The following TTN variants were observed in gnomAD, a reference collection of about 807,000 sequenced individuals.
TTN encodes titin.
In TTN, 1,525 loss-of-function variants were observed where a neutral mutation model predicts 3,223.0. That is an observed-to-expected ratio of 0.47 (90% CI 0.45 to 0.49). The LOEUF is 0.49. TTN is among the 20% of genes least tolerant of loss of function. TTN has a pLI of 0.00. For synonymous variants in TTN, 14,094 were observed against 15,161.0 expected, an observed-to-expected ratio of 0.93 and a Z score of 5.17; for missense variants, 40,786 against 43,424.0, an observed-to-expected ratio of 0.94 and a Z score of 5.40.
At position 178,618,029 on chromosome 2, in the gene TTN, A is replaced by G. The variant is rs1576511180; in HGVS notation, c.47322T>C (p.Gly15774=). The G allele has an allele frequency of 1.9e-6, 3 of 1,612,488 alleles. No individual in the cohort carries two copies. Among genetic ancestry groups the G allele is most frequent in the African/African-American group, 2.7e-5 (2 of 74,944 alleles). The change falls in exon 253 of 363, where the codon GGT becomes GGC. Residue 15774 remains glycine (G), a synonymous_variant. Coordinates refer to ENST00000589042, the MANE Select transcript of TTN (RefSeq NM_001267550.2). ...NVTITDVNRF[G]VSLTWEPPEY... The stretch of plus-strand genomic sequence containing the variant: ...CTGGTGGTTCCCATGTCAGTGAGAC[A>G]CCAAATCGATTCACATCAGTGATGG...
rs142352268 is a variant in TTN at position 178,616,138 on chromosome 2, G to T, written c.48312+341C>A. On this transcript the variant is annotated intron_variant, in intron 257 of 362. Coordinates refer to ENST00000589042, the MANE Select transcript of TTN (RefSeq NM_001267550.2). ...TTAGGTCAACTAAGGTATTCTAGTG[G>T]AATAAGAAGTGTGACCACCAGGGAA... Among the ~76,000 whole-genome samples the T allele has an allele frequency of 2.0e-5, 3 of 151,958 alleles. No individual in the cohort carries two copies. The East Asian group carries it at 5.9e-4, about 30-fold the overall frequency.
chr2:178,589,532 G>A lies in TTN; in HGVS notation c.62193C>T (p.Asp20731=), dbSNP rs1206611321. The change falls in exon 304 of 363, where the codon GAC becomes GAT. Residue 20731 remains aspartate, a synonymous_variant. Transcript: ENST00000589042. Reference sequence around the variant, plus strand: ...CATAAATCTGGTTTTCAACACATCTGTCAACCATGTAGTGAGTTTCTTTAA... The same window carrying A: ...CATAAATCTGGTTTTCAACACATCTATCAACCATGTAGTGAGTTTCTTTAA... The part of the protein sequence containing the change: ...GSIKETHYMV[D]RCVENQIYEF... 3 of 1,613,134 alleles carry A rather than the reference G, an allele frequency of 1.9e-6. No individual in the cohort carries two copies. The Admixed American group carries it at 5.0e-5, about 27-fold the overall frequency.
At position 178,677,783 on chromosome 2, in the gene TTN, C is replaced by A. The variant is rs745521516; in HGVS notation, c.34129G>T (p.Val11377Phe). 15 of 1,612,704 alleles carry A rather than the reference C, an allele frequency of 9.3e-6. No homozygotes were observed. In the South Asian group the frequency reaches 1.5e-4, roughly 17 times the overall value. Residue 11377 changes from valine to phenylalanine, a missense_variant, in exon 146 of 363, where the codon GTT (valine) becomes TTT (phenylalanine). Physicochemically the swap from Val to Phe is conservative, Grantham distance 50. Coordinates refer to ENST00000589042, the MANE Select transcript of TTN (RefSeq NM_001267550.2). ...AGAACTTCCTCTTCTTCAGGTAGAACTTCCTCTTCCTCAGGTAGAACTTCC... is the reference window on the plus strand; with the variant it reads ...AGAACTTCCTCTTCTTCAGGTAGAAATTCCTCTTCCTCAGGTAGAACTTCC... The part of the protein sequence containing the change: ...EEEVLPEEEE[V>F]LPEEEEVLPE...
chr2:178,552,475 G>C lies in TTN; in HGVS notation c.90425C>G (p.Thr30142Ser), dbSNP rs754759596. The C allele has an allele frequency of 6.2e-7, 1 of 1,610,940 alleles. No individual in the cohort carries two copies. Among genetic ancestry groups the C allele is most frequent in the South Asian group, 1.1e-5 (1 of 91,000 alleles). ...GTGCACATTGTGCCCAATTCTCACA[G>C]TGACTTGTGCCCCAGGGATATCTGA... ...DLSDIPGAQVTVRIGHNVHLE... is the reference protein window; with the variant it reads ...DLSDIPGAQVSVRIGHNVHLE... Residue 30142 changes from threonine (T) to serine (S), a missense_variant, in exon 335 of 363, where the codon ACT (threonine) becomes AGT (serine). Coordinates refer to ENST00000589042, the MANE Select transcript of TTN (RefSeq NM_001267550.2).
rs758041223 is a variant in TTN at position 178,605,687 on chromosome 2, T to C, written c.53608A>G (p.Thr17870Ala). The C allele has an allele frequency of 4.4e-6, 7 of 1,582,672 alleles. No individual in the cohort carries two copies. In the East Asian group the frequency reaches 1.6e-4, roughly 36 times the overall value. Residue 17870 changes from threonine to alanine, a missense_variant, in exon 279 of 363, where the codon ACA (threonine) becomes GCA (alanine). Thr to Ala is a moderately conservative substitution (Grantham distance 58). Coordinates refer to ENST00000589042, the MANE Select transcript of TTN (RefSeq NM_001267550.2). ...LGPPTSPERL[T>A]YTERTKSTIT... ...GTGGACTTTGTCCTTTCAGTGTATG[T>C]GAGCCTCTCTGGAGATGTTGGAGGA...
chr2:178,733,916 A>G, intron 52 of TTN, 24 bp from the exon 53 acceptor site: 1 of 1,543,076 alleles, frequency 6.5e-7, no homozygotes, highest in Non-Finnish European at 8.7e-7. Flanking sequence ...GAGAGCATAT[A>G]AAACATATCA....
intron 47 of TTN, chr2:178,749,811 C>A: frequency 3.7e-6 from 6 of 1,613,144 alleles, no homozygotes; most frequent in Non-Finnish European, 5.1e-6. Context: ...TTTAAAAGGA[C>A]TCCATTTTGA....
In TTN at chr2:178,601,174, G is replaced by A. The variant is rs1264755975; in HGVS notation, c.55733-3C>T. 1.3e-6 allele frequency: 2 copies of A among 1,523,296 alleles called. No individual in the cohort carries two copies. Among genetic ancestry groups the A allele is most frequent in the Middle Eastern group, 1.8e-4 (1 of 5,654 alleles). The allele number at this position is 1,523,296 out of a possible 1,614,324, so 94.4% of individuals were successfully genotyped here. A position where few individuals can be genotyped will look rare whatever the true frequency, so the allele number is the denominator to read the frequency against. On this transcript the variant is annotated splice_polypyrimidine_tract_variant and splice_region_variant and intron_variant, in intron 287 of 362. Transcript: ENST00000589042. Reference sequence around the variant, plus strand: ...TTTAATAGGAGGATCAGGAGGATCTGTAAAAATAATTAAAGGAAGTATTAA... The same window carrying A: ...TTTAATAGGAGGATCAGGAGGATCTATAAAAATAATTAAAGGAAGTATTAA...
chr2:178,529,379 T>G, intron 359 of TTN, 160 bp from the exon 360 acceptor site: 1 of 500,252 alleles, frequency 2.0e-6, no homozygotes, highest in Non-Finnish European at 3.4e-6. Context: ...TTTTGGAAAA[T>G]TATCATGTGT....
chr2:178,564,665 C>T lies in TTN; in HGVS notation c.81467G>A (p.Gly27156Asp). Residue 27156 changes from glycine (G) to aspartate (D), a missense_variant, in exon 326 of 363, where the codon GGC becomes GAC. Physicochemically the swap from Gly to Asp is moderately conservative, Grantham distance 94 (BLOSUM62 -1). Coordinates refer to ENST00000589042, the MANE Select transcript of TTN (RefSeq NM_001267550.2). ...KVSAENIVGI[G>D]KPSKVSECFV... ...GCATTCTGACACTTTGCTAGGCTTGCCAATGCCAACAATATTTTCAGCAGA... is the reference window on the plus strand; with the variant it reads ...GCATTCTGACACTTTGCTAGGCTTGTCAATGCCAACAATATTTTCAGCAGA... 3 of 1,613,482 alleles carry T rather than the reference C, an allele frequency of 1.9e-6. 1 individual carries two copies. In the South Asian group the frequency reaches 3.3e-5, roughly 18 times the overall value.
chr2:178,793,622 G>T (rs1438294977), intron 8 of TTN, 81 bp from the exon 9 acceptor site: 1 of 1,589,754 alleles, frequency 6.3e-7, no homozygotes, highest in East Asian at 2.2e-5. Flanking sequence ...CGCCAACATG[G>T]TGAAATCCTC....
intron 126 of TTN, 105 bp from the exon 127 acceptor site, chr2:178,688,329 A>T: frequency 9.7e-7 from 1 of 1,026,570 alleles, no homozygotes; most frequent in South Asian, 1.3e-5. Context: ...TCTGCTTAGG[A>T]CATAGCTTCA....
intron 47 of TTN, chr2:178,744,872 C>T: frequency 3.0e-6 from 3 of 985,138 alleles, no homozygotes; most frequent in Non-Finnish European, 3.6e-6. Context: ...GATCTATTTG[C>T]TTATTTTGCA....
intron 47 of TTN, chr2:178,750,381 G>T: frequency 6.2e-7 from 1 of 1,612,994 alleles, no homozygotes; most frequent in South Asian, 1.1e-5. Context: ...TTCTGATGAT[G>T]AACAGATGAA....
chr2:178,777,393 A>G, intron 26 of TTN, 27 bp downstream of exon 26: 2 of 1,611,128 alleles, frequency 1.2e-6, no homozygotes. Context: ...AAGAAAATTC[A>G]TTTATTTTTA....
chr2:178,802,646 T>C (rs1379574107), intron 2 of TTN, among the ~76,000 whole-genome samples: 1 of 152,222 alleles, frequency 6.6e-6, no homozygotes, highest in Non-Finnish European at 1.5e-5. Flanking sequence ...GGGCTCTATC[T>C]GATGCAATTT....
chr2:178,754,784 TG>T (rs766711147), intron 46 of TTN, among the ~76,000 whole-genome samples: 8 of 152,228 alleles, frequency 5.3e-5, no homozygotes, highest in Non-Finnish European at 1.0e-4. Flanking sequence ...CTTGAGATAT[TG>T]CCTTTGTAGG....
intron 128 of TTN, 32 bp from the exon 129 acceptor site, chr2:178,685,362 A>C (rs2070575377): frequency 1.3e-6 from 2 of 1,530,110 alleles, no homozygotes; most frequent in Non-Finnish European, 8.8e-7. Flanking sequence ...GTTTGTAGAA[A>C]TGTCTAGATT....
intron 38 of TTN, 76 bp from the exon 39 acceptor site, chr2:178,768,231 C>T (rs1286098759): frequency 1.3e-6 from 2 of 1,495,992 alleles, no homozygotes; most frequent in African/African-American, 1.4e-5. Flanking sequence ...GTACAATCCA[C>T]CAATTTAAAG....
Sources: allele counts gnomAD v4.1 joint callset (sites outside exome capture counted in the v4.1 genomes callset), GRCh38; gene constraint gnomAD v4.1.1; transcripts MANE v1.5; gene names NCBI Gene and HGNC (gene_info 2026-07-23, HGNC 2026-07-21).